ADAM7: variants seen among roughly 807,000 people sequenced by gnomAD.
The protein encoded by ADAM7 is ADAM metallopeptidase domain 7, also known as disintegrin and metalloproteinase domain-containing protein 7.
Under a neutral mutation model 102.9 loss-of-function variants are expected in ADAM7, and 97 were observed. The ratio of observed to expected loss-of-function variants is 0.94; its 90% CI spans 0.80 to 1.12. The LOEUF (loss-of-function observed/expected upper bound fraction) is 1.12, where lower values mean the gene tolerates loss of function less well. ADAM7 is among the 50% of genes most tolerant of loss of function. The pLI, the probability that ADAM7 is intolerant of heterozygous loss-of-function variation, is 0.00. For missense variants in ADAM7, 991 were observed against 908.7 expected, an observed-to-expected ratio of 1.09 and a Z score of -1.16; for synonymous variants, 334 against 304.4, an observed-to-expected ratio of 1.10 and a Z score of -1.01.
intron 7 of ADAM7, among the ~76,000 whole-genome samples, chr8:24,469,341 C>T (rs1819530992): frequency 6.6e-6 from 1 of 152,136 alleles, no homozygotes; most frequent in African/African-American, 2.4e-5. Flanking sequence ...AAACGCTCCA[C>T]AGAAACTGCA....
intron 20 of ADAM7, among the ~76,000 whole-genome samples, chr8:24,506,675 C>G (rs368141881): frequency 6.6e-6 from 1 of 151,662 alleles, no homozygotes; most frequent in Non-Finnish European, 1.5e-5. Context: ...GCTGTGTAAT[C>G]CCTGCATCTT....
intron 8 of ADAM7, 124 bp downstream of exon 8, chr8:24,476,628 T>A: frequency 1.7e-6 from 1 of 593,016 alleles, no homozygotes; most frequent in Non-Finnish European, 2.8e-6. Flanking sequence ...CAAAGACTAA[T>A]AAGCAAAAAT....
intron 3 of ADAM7, among the ~76,000 whole-genome samples, chr8:24,452,246 G>T (rs908722787): frequency 2.1e-4 from 32 of 150,906 alleles, no homozygotes; most frequent in African/African-American, 6.8e-4. Context: ...TGTTGACAGT[G>T]GGGTGTTAAA....
intron 16 of ADAM7, among the ~76,000 whole-genome samples, chr8:24,497,784 A>G (rs1585924411): frequency 6.6e-6 from 1 of 152,170 alleles, no homozygotes; most frequent in East Asian, 1.9e-4. Flanking sequence ...TGTCAAAAAT[A>G]AAGAATACAT....
intron 17 of ADAM7, 107 bp from the exon 18 acceptor site, chr8:24,500,071 T>G: frequency 1.2e-6 from 1 of 857,514 alleles, no homozygotes; most frequent in Non-Finnish European, 1.7e-6. Flanking sequence ...TTCGCGCTTG[T>G]GCTTGTGTGC....
rs573341431 is a variant in ADAM7, at chr8:24,502,964, A to T, written c.2208+1388A>T. Among the ~76,000 whole-genome samples the T allele has an allele frequency of 8.5e-5, 13 of 152,268 alleles. 1 individual carries two copies. The South Asian group carries it at 2.7e-3, about 32-fold the overall frequency. On this transcript the variant is annotated intron_variant, in intron 20 of 21. Transcript: ENST00000175238. ...TACACTAACAAATATAGGTGCATGAATTATTATTAGATGTTAGCCAACTGA... is the reference window on the plus strand; with the variant it reads ...TACACTAACAAATATAGGTGCATGATTTATTATTAGATGTTAGCCAACTGA...
rs147823881 is a variant in ADAM7 at position 24,479,976 on chromosome 8, T to C, written c.706-2166T>C. On this transcript the variant is annotated intron_variant, in intron 8 of 21. Coordinates refer to ENST00000175238, the MANE Select transcript of ADAM7 (RefSeq NM_003817.4). Reference sequence around the variant, plus strand: ...ACATTCTTTCTAACTTTGTACTTTGTAGGCAGAAGCAGAACTTCTCCCAAC... The same window carrying C: ...ACATTCTTTCTAACTTTGTACTTTGCAGGCAGAAGCAGAACTTCTCCCAAC... Among the ~76,000 whole-genome samples, 51 of 152,304 alleles carry C rather than the reference T, an allele frequency of 3.3e-4. No homozygotes were observed. In the East Asian group the frequency reaches 9.3e-3, roughly 28 times the overall value.
intron 3 of ADAM7, among the ~76,000 whole-genome samples, chr8:24,462,031 A>G (rs924041594): frequency 2.6e-5 from 4 of 152,124 alleles, no homozygotes; most frequent in Non-Finnish European, 4.4e-5. Flanking sequence ...ATGTTTCTTC[A>G]TTGTGTAAAT....
At chr8:24,503,422 T>C (rs953424759) in intron 20 of ADAM7, among the ~76,000 whole-genome samples, 3 of 152,144 alleles carry the variant, frequency 2.0e-5, no homozygotes, top group African/African-American at 7.2e-5. Flanking sequence ...TTTTACATTG[T>C]TGGAGGGAGT....
At chr8:24,473,619 C>T (rs569204029) in intron 7 of ADAM7, among the ~76,000 whole-genome samples, 79 of 152,210 alleles carry the variant, frequency 5.2e-4, no homozygotes, top group African/African-American at 1.6e-3. Flanking sequence ...AGAGTGATTC[C>T]TTGAGTCATT....
chr8:24,441,512 G>T (rs1276113877), intron 1 of ADAM7, among the ~76,000 whole-genome samples: 1 of 152,202 alleles, frequency 6.6e-6, no homozygotes, highest in African/African-American at 2.4e-5. Context: ...ACAGATCAGA[G>T]AAATTAAATA....
intron 16 of ADAM7, among the ~76,000 whole-genome samples, chr8:24,495,837 G>A (rs1482002785): frequency 2.0e-5 from 3 of 152,194 alleles, no homozygotes; most frequent in Admixed American, 1.3e-4. Context: ...GAGCATAAAA[G>A]TTCAAAAAAT....
At chr8:24,457,395 C>A (rs2129378251) in intron 3 of ADAM7, among the ~76,000 whole-genome samples, 1 of 152,146 alleles carries the variant, frequency 6.6e-6, no homozygotes, top group East Asian at 1.9e-4. Flanking sequence ...TGTGCCTCAG[C>A]CTCCCCAGTA....
At chr8:24,456,429 T>C (rs886333265) in intron 3 of ADAM7, among the ~76,000 whole-genome samples, 1 of 152,202 alleles carries the variant, frequency 6.6e-6, no homozygotes, top group African/African-American at 2.4e-5. Flanking sequence ...AGTGTTGCAA[T>C]GAATATGGGG....
At chr8:24,491,783 G>T in intron 13 of ADAM7, 120 bp from the exon 14 acceptor site, 1 of 659,180 alleles carries the variant, frequency 1.5e-6, no homozygotes, top group Admixed American at 3.4e-5. Flanking sequence ...GAATGGAGAA[G>T]GAAGCTATGA....
Position 24,489,284 on chromosome 8 carries a change from G to A in ADAM7, c.1217G>A (p.Gly406Glu). 1 of 1,613,490 alleles carries A rather than the reference G, an allele frequency of 6.2e-7. No homozygotes were observed. Among genetic ancestry groups the A allele is most frequent in the Non-Finnish European group, 8.5e-7 (1 of 1,179,686 alleles). Residue 406 changes from glycine (G) to glutamate (E), a missense_variant, in exon 12 of 22, where the codon GGA becomes GAA. Coordinates refer to ENST00000175238, the MANE Select transcript of ADAM7 (RefSeq NM_003817.4). Reference protein sequence around the residue: ...PYNFHDFQFCGNKKLDEGEEC... With the variant: ...PYNFHDFQFCENKKLDEGEEC... The stretch of plus-strand genomic sequence containing the variant: ...AATTTTCATGATTTCCAATTTTGTG[G>A]AAACAAGAAGTTGGATGAGGGTGAA...
chr8:24,474,477 G>A (rs1046659844), intron 7 of ADAM7, among the ~76,000 whole-genome samples: 2 of 152,010 alleles, frequency 1.3e-5, no homozygotes, highest in Non-Finnish European at 2.9e-5. Flanking sequence ...AAATATTTAA[G>A]GTTTTCTTTA....
At position 24,508,707 on chromosome 8, in the gene ADAM7, C is replaced by A; in HGVS notation, c.*161C>A. On this transcript the variant is annotated 3_prime_UTR_variant, in exon 22 of 22. Transcript: ENST00000175238. ...AATGTTTAAGAGAAACAACTTATTT[C>A]TGTTAATATTTACCGGTAGAATTCA... 2 of 1,453,668 alleles carry A rather than the reference C, an allele frequency of 1.4e-6. No individual in the cohort carries two copies. The highest frequency in any genetic ancestry group is 1.4e-5 in the African/African-American group (1 of 70,288). The allele number at this position is 1,453,668 out of a possible 1,614,324, so 90.0% of individuals were successfully genotyped here.
intron 7 of ADAM7, among the ~76,000 whole-genome samples, chr8:24,474,956 C>T (rs1269960246): frequency 2.6e-5 from 4 of 151,994 alleles, no homozygotes; most frequent in African/African-American, 4.8e-5. Flanking sequence ...TTGAGCATTG[C>T]AGTCAGATAA....
Sources: allele counts gnomAD v4.1 joint callset (sites outside exome capture counted in the v4.1 genomes callset), GRCh38; gene constraint gnomAD v4.1.1; transcripts MANE v1.5; gene names NCBI Gene and HGNC (gene_info 2026-07-23, HGNC 2026-07-21).